ZFP62: variants seen among roughly 807,000 people sequenced by gnomAD.
The protein encoded by ZFP62 is ZFP62 zinc finger protein.
In ZFP62, 44 loss-of-function variants were observed where a neutral mutation model predicts 56.4. The observed-to-expected ratio is 0.78, with a 90% CI of 0.61 to 1.00. ZFP62 has a LOEUF of 1.00. Among genes scored for constraint, ZFP62 ranks in the 50% least tolerant of loss-of-function variants. The probability of loss-of-function intolerance (pLI) is 0.00; values close to 1 mark genes in which losing one functional copy is unlikely to be tolerated. For missense variants in ZFP62, 1,030 were observed against 1,085.7 expected (o/e 0.95, Z 0.72); for synonymous variants, 421 against 388.9 (o/e 1.08, Z -0.97).
intron 1 of ZFP62, among the ~76,000 whole-genome samples, chr5:180,856,286 T>C (rs953332777): frequency 6.6e-6 from 1 of 152,214 alleles, no homozygotes; most frequent in African/African-American, 2.4e-5. Flanking sequence ...AACATAAACA[T>C]GCATCTTCAA....
In ZFP62 at chr5:180,848,495, G is replaced by C. The variant is rs1205168855; in HGVS notation, c.*297C>G. 1 of 1,105,752 alleles carries C rather than the reference G, an allele frequency of 9.0e-7. No homozygotes were observed. The highest frequency in any genetic ancestry group is 1.6e-5 in the African/African-American group (1 of 61,412). The allele number at this position is 1,105,752 out of a possible 1,614,324, so 68.5% of individuals were successfully genotyped here. ...TCTAATTGAAGCCCTTTCCTCATCT[G>C]TGTTTTATGTCCAGAAATGTCTACT... is the stretch of plus-strand genomic sequence containing the variant. On this transcript the variant is annotated 3_prime_UTR_variant, in exon 2 of 2. Transcript: ENST00000502412.
chr5:180,832,678 A>G, the ZFP62 span: 1 of 152,212 alleles, frequency 6.6e-6, no homozygotes, highest in East Asian at 1.9e-4. Flanking sequence ...CTTAGGTACC[A>G]GTCAGGACTG....
chr5:180,844,878 G>A (rs1053712503), downstream of ZFP62, among the ~76,000 whole-genome samples: 5 of 152,194 alleles, frequency 3.3e-5, no homozygotes, highest in African/African-American at 1.2e-4. Context: ...TCTAGATGCT[G>A]AGTCTTTGGA....
Position 180,850,252 on chromosome 5 carries a change from G to T in ZFP62, c.1243C>A (p.His415Asn). Reference sequence around the variant, plus strand: ...CATTCATGGGCTTTCTTCCCAGGGTGAATGCTTTTATGGACTGCGAGGCCT... The same window carrying T: ...CATTCATGGGCTTTCTTCCCAGGGTTAATGCTTTTATGGACTGCGAGGCCT... Reference protein sequence around the residue: ...SSGLAVHKSIHPGKKAHECKE... With the variant: ...SSGLAVHKSINPGKKAHECKE... The change falls in exon 2 of 2, where the codon CAC becomes AAC. Residue 415 changes from histidine to asparagine, a missense_variant. Physicochemically the swap from His to Asn is moderately conservative, Grantham distance 68. Coordinates refer to ENST00000502412, the MANE Select transcript of ZFP62 (RefSeq NM_001172638.2). 6.4e-7 allele frequency: 1 copy of T among 1,554,530 alleles called. No individual in the cohort carries two copies. Among genetic ancestry groups the T allele is most frequent in the Non-Finnish European group, 8.7e-7 (1 of 1,148,740 alleles).
chr5:180,843,071 A>T (rs1773347660), downstream of ZFP62, among the ~76,000 whole-genome samples: 1 of 150,954 alleles, frequency 6.6e-6, no homozygotes, highest in Admixed American at 6.6e-5. Flanking sequence ...ATAAATTTAA[A>T]AAAAAAGAAA....
chr5:180,851,265 C>T lies in ZFP62; in HGVS notation c.230G>A (p.Ser77Asn). ...CTGTTCTGTCTTTATATTTGCTGTA[C>T]TCTTGGCTTTGCTGATTGCTTCCCT... Reference protein sequence around the residue: ...SIREAISKAKSTANIKTEQEG... With the variant: ...SIREAISKAKNTANIKTEQEG... Residue 77 changes from serine to asparagine, a missense_variant, in exon 2 of 2, where the codon AGT becomes AAT. Transcript: ENST00000502412. 1 of 1,551,654 alleles carries T rather than the reference C, an allele frequency of 6.4e-7. No homozygotes were observed. The highest frequency in any genetic ancestry group is 1.4e-5 in the African/African-American group (1 of 73,142).
At chr5:180,852,693 C>A (rs950885990) in intron 1 of ZFP62, among the ~76,000 whole-genome samples, 2 of 152,034 alleles carry the variant, frequency 1.3e-5, no homozygotes, top group African/African-American at 4.8e-5. Flanking sequence ...GCCTCTCTGG[C>A]CTGAGTATAG....
At position 180,851,137 on chromosome 5, in the gene ZFP62, C is replaced by T; in HGVS notation, c.358G>A (p.Glu120Lys). 1 of 1,551,696 alleles carries T rather than the reference C, an allele frequency of 6.4e-7. No homozygotes were observed. Among genetic ancestry groups the T allele is most frequent in the Non-Finnish European group, 8.7e-7 (1 of 1,146,992 alleles). Residue 120 changes from glutamate (E) to lysine (K), a missense_variant, in exon 2 of 2, where the codon GAG (glutamate) becomes AAG (lysine). Coordinates refer to ENST00000502412, the MANE Select transcript of ZFP62 (RefSeq NM_001172638.2). ...GGGTAGGAGGTTCCATTAATGTTCTCCACACGTTTGCCTTGCTCACTGCCT... is the reference window on the plus strand; with the variant it reads ...GGGTAGGAGGTTCCATTAATGTTCTTCACACGTTTGCCTTGCTCACTGCCT... ...QRGSEQGKRV[E>K]NINGTSYPSL...
At chr5:180,846,342 C>A (rs1217236387), downstream of ZFP62, among the ~76,000 whole-genome samples, 1 of 152,176 alleles carries the variant, frequency 6.6e-6, no homozygotes, top group Non-Finnish European at 1.5e-5. Flanking sequence ...TGCATCTCCC[C>A]AAAAGTAGAC....
the ZFP62 span, among the ~76,000 whole-genome samples, chr5:180,840,082 C>T: frequency 6.6e-6 from 1 of 152,198 alleles, no homozygotes; most frequent in Non-Finnish European, 1.5e-5. Flanking sequence ...GCTGAGGATC[C>T]CCAGGTGGAG....
Position 180,848,783 on chromosome 5 carries a change from CT to C in ZFP62, c.*8del, listed in dbSNP as rs1561901014. 1.3e-6 allele frequency: 2 copies of C among 1,504,704 alleles called. No individual in the cohort carries two copies. The highest frequency in any genetic ancestry group is 2.6e-5 in the South Asian group (2 of 77,668). The allele number at this position is 1,504,704 out of a possible 1,614,324, so 93.2% of individuals were successfully genotyped here. On this transcript the variant is annotated 3_prime_UTR_variant, in exon 2 of 2. Transcript: ENST00000502412. ...TTTGAGTTCGGAGAGACTTGGTAAG[CT>C]CTGCCTGCTACAGAGGCATCCTCAT... is the stretch of plus-strand genomic sequence containing the variant.
In ZFP62 at chr5:180,848,080, A is replaced by T; in HGVS notation, c.*712T>A. 1 of 982,972 alleles carries T rather than the reference A, an allele frequency of 1.0e-6. No individual in the cohort carries two copies. Among genetic ancestry groups the T allele is most frequent in the Non-Finnish European group, 1.2e-6 (1 of 829,918 alleles). 60.9% of individuals were successfully genotyped at this position (982,972 alleles called of 1,614,324 possible). On this transcript the variant is annotated 3_prime_UTR_variant, in exon 2 of 2. Transcript: ENST00000502412. ...ATCATTCATTATGGGAGTTCATCTG[A>T]AACTTTAAAAAAGTTTCATCCATTC...
At position 180,848,762 on chromosome 5, in the gene ZFP62, A is replaced by G; in HGVS notation, c.*30T>C. ...ATTCATAAGGTATTTCTTCCATTTGAGTTCGGAGAGACTTGGTAAGCTCTG... is the reference window on the plus strand; with the variant it reads ...ATTCATAAGGTATTTCTTCCATTTGGGTTCGGAGAGACTTGGTAAGCTCTG... On this transcript the variant is annotated 3_prime_UTR_variant, in exon 2 of 2. Transcript: ENST00000502412. 2 of 1,477,354 alleles carry G rather than the reference A, an allele frequency of 1.4e-6. No individual in the cohort carries two copies. The highest frequency in any genetic ancestry group is 1.8e-6 in the Non-Finnish European group (2 of 1,111,916). 91.5% of individuals were successfully genotyped at this position (1,477,354 alleles called of 1,614,324 possible). A position where few individuals can be genotyped will look rare whatever the true frequency, so the allele number is the denominator to read the frequency against.
Position 180,850,154 on chromosome 5 carries a change from T to G in ZFP62, c.1341A>C (p.Arg447Ser). 1 of 1,551,752 alleles carries G rather than the reference T, an allele frequency of 6.4e-7. No individual in the cohort carries two copies. Among genetic ancestry groups the G allele is most frequent in the Non-Finnish European group, 8.7e-7 (1 of 1,147,026 alleles). The change falls in exon 2 of 2, where the codon AGA becomes AGC. Residue 447 changes from arginine (R) to serine (S), a missense_variant. Arg to Ser is a moderately radical substitution (Grantham distance 110). Coordinates refer to ENST00000502412, the MANE Select transcript of ZFP62 (RefSeq NM_001172638.2). ...TCCCACACACATCACATACATAAGG[T>G]CTCTCTCCGGTATGAATAGTTCTGT... is the stretch of plus-strand genomic sequence containing the variant. ...LQHRTIHTGE[R>S]PYVCDVCGKT...
chr5:180,831,640 G>C, the ZFP62 span: 1 of 152,616 alleles, frequency 6.6e-6, no homozygotes, highest in Admixed American at 6.5e-5. Context: ...GGGCCTGGCC[G>C]AGCTGCGCAC....
the ZFP62 span, among the ~76,000 whole-genome samples, chr5:180,828,407 A>G: frequency 4.0e-5 from 6 of 151,784 alleles, no homozygotes; most frequent in Admixed American, 2.0e-4. Flanking sequence ...AAGAAGCTCC[A>G]CCTTCATCTA....
At chr5:180,844,562 T>G (rs541641414), downstream of ZFP62, among the ~76,000 whole-genome samples, 1 of 152,260 alleles carries the variant, frequency 6.6e-6, no homozygotes, top group East Asian at 1.9e-4. Flanking sequence ...GGAAACAAGA[T>G]GTGTACCATG....
downstream of ZFP62, among the ~76,000 whole-genome samples, chr5:180,843,054 T>A (rs2619768): frequency 0.72 from 105,518 of 147,012 alleles, 39,749 homozygotes; most frequent in East Asian, 0.97. Flanking sequence ...AAAAAAAAAA[T>A]AAATAAATAA....
chr5:180,834,775 G>A, the ZFP62 span: 2 of 152,252 alleles, frequency 1.3e-5, no homozygotes, highest in Non-Finnish European at 2.9e-5. Flanking sequence ...CCCTGTGATA[G>A]TTTTAGGTGT....
Sources: gnomAD v4.1 joint callset for allele counts (sites outside exome capture counted in the v4.1 genomes callset) on GRCh38, gnomAD v4.1.1 for gene constraint, MANE v1.5 for transcripts, NCBI Gene and HGNC (gene_info 2026-07-23, HGNC 2026-07-21) for gene names.